Variants in ZNF175 observed in about 807,000 individuals in gnomAD.
The protein encoded by ZNF175 is zinc finger protein OTK18.
Under a neutral mutation model 14.0 loss-of-function variants are expected in ZNF175, and 8 were observed. The observed-to-expected ratio is 0.57, with a 90% CI of 0.34 to 1.03. The LOEUF (loss-of-function observed/expected upper bound fraction) is 1.03. Among genes scored for constraint, ZNF175 ranks in the 50% least tolerant of loss-of-function variants. The probability of loss-of-function intolerance (pLI) is 0.03; values close to 1 mark genes in which losing one functional copy is unlikely to be tolerated. For missense variants in ZNF175, 764 were observed against 849.5 expected (o/e 0.90, Z 1.25); for synonymous variants, 255 against 296.8 (o/e 0.86, Z 1.45).
In ZNF175 at chr19:51,591,995, C is replaced by G. The variant is rs1320841209; in HGVS notation, c.*3528C>G. The G allele has an allele frequency of 2.0e-5, 3 of 152,010 alleles. No individual in the cohort carries two copies. The highest frequency in any genetic ancestry group is 2.4e-5 in the African/African-American group (1 of 41,358). The allele number at this position is 152,010 out of a possible 1,614,324, so 9.4% of individuals were successfully genotyped here. ...GTGTTGGCCAGGATGGTCTCGATCT[C>G]CTGACCTCGTGATCCCCCCCCCTCG... On this transcript the variant is annotated 3_prime_UTR_variant, in exon 5 of 5. Transcript: ENST00000262259.
chr19:51,586,904 A>G lies in ZNF175; in HGVS notation c.573A>G (p.Ser191=), dbSNP rs569549804. ...MIRTRPHLAS[S]QKQPQKCCLF... ...GCACGAGGCCCCACCTTGCTTCTTC[A>G]CAGAAACAACCTCAGAAATGTTGCT... The change falls in exon 5 of 5, where the codon TCA becomes TCG. Residue 191 remains serine (S), a synonymous_variant. Transcript: ENST00000262259. 64 of 1,614,204 alleles carry G rather than the reference A, an allele frequency of 4.0e-5. No individual in the cohort carries two copies. The South Asian group carries it at 6.5e-4, about 16-fold the overall frequency.
At chr19:51,579,352 C>T (rs542959030) in intron 2 of ZNF175, among the ~76,000 whole-genome samples, 1 of 151,640 alleles carries the variant, frequency 6.6e-6, no homozygotes, top group African/African-American at 2.4e-5. Context: ...GTCTGAGAGG[C>T]AGAGGCTGCA....
intron 2 of ZNF175, among the ~76,000 whole-genome samples, chr19:51,577,812 C>T (rs561092652): frequency 2.1e-3 from 319 of 151,878 alleles, no homozygotes; most frequent in South Asian, 5.2e-3. Context: ...TAAAGGCGCC[C>T]GCCACCACAC....
chr19:51,583,373 A>G (rs1293976930), intron 4 of ZNF175, among the ~76,000 whole-genome samples: 1 of 152,182 alleles, frequency 6.6e-6, no homozygotes, highest in East Asian at 1.9e-4. Context: ...CATCATCCAA[A>G]TAAGGAATTC....
rs75947802 is a variant in ZNF175 at position 51,586,214 on chromosome 19, T to TCC, written c.296-412_296-411dup. 3.9e-3 allele frequency among the ~76,000 whole-genome samples: 598 copies of TCC among 152,302 alleles called. 28 individuals are homozygous for TCC. In the East Asian group the frequency reaches 0.079, roughly 20 times the overall value. On this transcript the variant is annotated intron_variant, in intron 4 of 4. Transcript: ENST00000262259. ...TGCCCTGCAACACTTGTCTGTTTTA[T>TCC]CCTACTCATCCTACTAGATCTGGGT...
intron 2 of ZNF175, among the ~76,000 whole-genome samples, chr19:51,580,956 A>G (rs921912239): frequency 1.5e-4 from 23 of 152,204 alleles, no homozygotes; most frequent in African/African-American, 5.3e-4. Context: ...ATATATTTCT[A>G]CCATGTTCCC....
Position 51,588,730 on chromosome 19 carries a change from A to G in ZNF175, c.*263A>G. The G allele has an allele frequency of 4.6e-6, 2 of 431,386 alleles. No individual in the cohort carries two copies. The highest frequency in any genetic ancestry group is 8.1e-6 in the Non-Finnish European group (2 of 246,686). The allele number at this position is 431,386 out of a possible 1,614,324, so 26.7% of individuals were successfully genotyped here. A position where few individuals can be genotyped will look rare whatever the true frequency, so the allele number is the denominator to read the frequency against. ...TTATAAATTTTCTCCCCGGGAAGAAACCCTGACTAACGCATTGAGAAAAGC... is the reference window on the plus strand; with the variant it reads ...TTATAAATTTTCTCCCCGGGAAGAAGCCCTGACTAACGCATTGAGAAAAGC... On this transcript the variant is annotated 3_prime_UTR_variant, in exon 5 of 5. Transcript: ENST00000262259.
At chr19:51,577,942 C>A (rs978824555) in intron 2 of ZNF175, among the ~76,000 whole-genome samples, 2 of 151,476 alleles carry the variant, frequency 1.3e-5, no homozygotes, top group Non-Finnish European at 2.9e-5. Flanking sequence ...GGATTACAGG[C>A]GTGAGCCACC....
intron 2 of ZNF175, among the ~76,000 whole-genome samples, chr19:51,578,342 G>C (rs141438384): frequency 0.012 from 1,858 of 152,206 alleles, 34 homozygotes; most frequent in African/African-American, 0.041. Context: ...GGAGGTTGCA[G>C]TGATCCAAGA....
intron 1 of ZNF175, among the ~76,000 whole-genome samples, chr19:51,572,490 G>A (rs778371048): frequency 1.3e-5 from 2 of 152,256 alleles, no homozygotes; most frequent in East Asian, 3.9e-4. Flanking sequence ...TATTATGGAC[G>A]GGGACTGAAA....
At chr19:51,582,328 C>T (rs1982033061) in intron 4 of ZNF175, among the ~76,000 whole-genome samples, 1 of 152,096 alleles carries the variant, frequency 6.6e-6, no homozygotes, top group South Asian at 2.1e-4. Context: ...GACAGAGTCT[C>T]ACTCTGTCAC....
intron 2 of ZNF175, among the ~76,000 whole-genome samples, chr19:51,579,207 C>T (rs1202360188): frequency 2.2e-5 from 3 of 136,656 alleles, no homozygotes; most frequent in South Asian, 2.4e-4. Context: ...GAGCCAAGAG[C>T]ATGCCAGTGC....
At position 51,587,595 on chromosome 19, in the gene ZNF175, A is replaced by G. The variant is rs749809794; in HGVS notation, c.1264A>G (p.Ser422Gly). ...TACTGGTGAGAGACAGTATGCATGC[A>G]GTGAATGTGGGAAAGCCTTTACCCA... ...IHTGERQYAC[S>G]ECGKAFTQKS... is the part of the protein sequence containing the mutation. Residue 422 changes from serine to glycine, a missense_variant, in exon 5 of 5, where the codon AGT becomes GGT. Ser to Gly is a moderately conservative substitution (Grantham distance 56). Transcript: ENST00000262259. 1 of 1,614,188 alleles carries G rather than the reference A, an allele frequency of 6.2e-7. No homozygotes were observed. The highest frequency in any genetic ancestry group is 8.5e-7 in the Non-Finnish European group (1 of 1,180,026).
rs1449712803 is a variant in ZNF175 at position 51,587,027 on chromosome 19, A to G, written c.696A>G (p.Leu232=). The part of the protein sequence containing the change: ...QLDDVVGSGQ[L]FSHSSSDACS... Reference sequence around the variant, plus strand: ...ATGACGTTGTTGGGTCTGGTCAGCTATTCAGCCATAGCTCTTCTGATGCCT... The same window carrying G: ...ATGACGTTGTTGGGTCTGGTCAGCTGTTCAGCCATAGCTCTTCTGATGCCT... The change falls in exon 5 of 5, where the codon CTA becomes CTG. Residue 232 remains leucine (L), a synonymous_variant. Coordinates refer to ENST00000262259, the MANE Select transcript of ZNF175 (RefSeq NM_007147.4). 1.2e-6 allele frequency: 2 copies of G among 1,614,122 alleles called. No homozygotes were observed. The highest frequency in any genetic ancestry group is 1.7e-6 in the Non-Finnish European group (2 of 1,180,028).
chr19:51,588,038 T>C lies in ZNF175; in HGVS notation c.1707T>C (p.Thr569=). The change falls in exon 5 of 5, where the codon ACT becomes ACC. Residue 569 remains threonine, a synonymous_variant. Transcript: ENST00000262259. The stretch of plus-strand genomic sequence containing the variant: ...GCAGTGAATGTGGGAAAGCCTTCAC[T>C]TCTAAGTCTCAATTCAAAGAGCATC... ...YKCSECGKAF[T]SKSQFKEHQR... 1 of 1,614,094 alleles carries C rather than the reference T, an allele frequency of 6.2e-7. No homozygotes were observed. Among genetic ancestry groups the C allele is most frequent in the Non-Finnish European group, 8.5e-7 (1 of 1,179,994 alleles).
At chr19:51,574,573 T>G (rs1981709397) in intron 2 of ZNF175, among the ~76,000 whole-genome samples, 1 of 152,080 alleles carries the variant, frequency 6.6e-6, no homozygotes, top group Non-Finnish European at 1.5e-5. Context: ...TACGTTGACG[T>G]GGGAGGATCA....
chr19:51,587,320 C>T lies in ZNF175; in HGVS notation c.989C>T (p.Thr330Ile). ...LKLSVYLTDH[T>I]GDIPCICKEC... Reference sequence around the variant, plus strand: ...CTCAGTGTATATCTGACAGATCATACAGGTGATATACCCTGTATATGCAAG... The same window carrying T: ...CTCAGTGTATATCTGACAGATCATATAGGTGATATACCCTGTATATGCAAG... The change falls in exon 5 of 5, where the codon ACA becomes ATA. Residue 330 changes from threonine (T) to isoleucine (I), a missense_variant. By Grantham distance (89) the Thr-to-Ile change is moderately conservative. Coordinates refer to ENST00000262259, the MANE Select transcript of ZNF175 (RefSeq NM_007147.4). The T allele has an allele frequency of 6.2e-7, 1 of 1,614,142 alleles. No individual in the cohort carries two copies. Among genetic ancestry groups the T allele is most frequent in the East Asian group, 2.2e-5 (1 of 44,880 alleles).
intron 4 of ZNF175, among the ~76,000 whole-genome samples, 159 bp from the exon 5 acceptor site, chr19:51,586,468 C>A (rs1249024240): frequency 2.0e-5 from 3 of 152,246 alleles, no homozygotes; most frequent in African/African-American, 7.2e-5. Context: ...AAATGCTCAT[C>A]ATGTAATAAG....
Position 51,588,602 on chromosome 19 carries a change from T to C in ZNF175, c.*135T>C. 9 of 940,904 alleles carry C rather than the reference T, an allele frequency of 9.6e-6. No individual in the cohort carries two copies. Among genetic ancestry groups the C allele is most frequent in the Non-Finnish European group, 1.3e-5 (9 of 669,762 alleles). 58.3% of individuals were successfully genotyped at this position (940,904 alleles called of 1,614,324 possible). On this transcript the variant is annotated 3_prime_UTR_variant, in exon 5 of 5. Transcript: ENST00000262259. ...AGAAAAACTCTAGGGATGCACTGCATGTGTGAACACATGATAAAAAAGTCA... is the reference window on the plus strand; with the variant it reads ...AGAAAAACTCTAGGGATGCACTGCACGTGTGAACACATGATAAAAAAGTCA...
Sources: gnomAD v4.1 joint callset for allele counts (sites outside exome capture counted in the v4.1 genomes callset) on GRCh38, gnomAD v4.1.1 for gene constraint, MANE v1.5 for transcripts, NCBI Gene and HGNC (gene_info 2026-07-23, HGNC 2026-07-21) for gene names.